The following KCNMA1 variants were observed in gnomAD, a reference collection of about 807,000 sequenced individuals.
The protein encoded by KCNMA1 is Calcium-activated potassium channel subunit alpha-1.
In KCNMA1, 29 loss-of-function variants were observed where a neutral mutation model predicts 140.0. The observed-to-expected ratio is 0.21, with a 90% CI of 0.15 to 0.28. KCNMA1 has a LOEUF of 0.28. Ranked by LOEUF, KCNMA1 falls within the 10% of genes least tolerant of loss-of-function variation. The pLI, the probability that KCNMA1 is intolerant of heterozygous loss-of-function variation, is 1.00. For missense variants in KCNMA1, 880 were observed against 1,602.2 expected (o/e 0.55, Z 7.70); for synonymous variants, 612 against 611.9 (o/e 1.00, Z 0.00).
intron 15 of KCNMA1, among the ~76,000 whole-genome samples, chr10:77,038,490 TGTTTTCAGA>T: frequency 6.6e-6 from 1 of 152,194 alleles, no homozygotes; most frequent in African/African-American, 2.4e-5. Flanking sequence ...AGGGAGTTTG[TGTTTTCAGA>T]GGGCACAAAG....
chr10:77,373,932 A>G (rs1566368862), intron 2 of KCNMA1: 1 of 152,278 alleles, frequency 6.6e-6, no homozygotes. Context: ...CAGGGACACC[A>G]GAAGACAAAG....
intron 23 of KCNMA1, among the ~76,000 whole-genome samples, chr10:76,932,353 T>C (rs1374064737): frequency 2.0e-5 from 3 of 152,210 alleles, no homozygotes; most frequent in Admixed American, 2.0e-4. Flanking sequence ...TGAATTCTCA[T>C]AGTCATTTGA....
At chr10:77,252,343 A>AT (rs2059811662) in intron 2 of KCNMA1, among the ~76,000 whole-genome samples, 12 of 152,220 alleles carry the variant, frequency 7.9e-5, no homozygotes, top group Non-Finnish European at 1.8e-4. Flanking sequence ...AAGCACCACC[A>AT]TTACACACAA....
intron 3 of KCNMA1, among the ~76,000 whole-genome samples, chr10:77,221,881 G>A (rs191871092): frequency 1.3e-5 from 2 of 152,274 alleles, no homozygotes; most frequent in East Asian, 3.9e-4. Flanking sequence ...TGCAGAGTGA[G>A]ACAGCCCAGG....
intron 4 of KCNMA1, among the ~76,000 whole-genome samples, chr10:77,183,869 A>G (rs2098823093): frequency 6.6e-6 from 1 of 152,160 alleles, no homozygotes; most frequent in African/African-American, 2.4e-5. Context: ...TTATGATTGG[A>G]CACACACGTT....
intron 1 of KCNMA1, among the ~76,000 whole-genome samples, chr10:77,632,697 T>C (rs2093342862): frequency 6.6e-6 from 1 of 152,234 alleles, no homozygotes; most frequent in African/African-American, 2.4e-5. Context: ...TCAAAAACTT[T>C]ATTTGTTATA....
At chr10:77,159,047 T>C (rs1024596679) in intron 5 of KCNMA1, among the ~76,000 whole-genome samples, 1 of 152,228 alleles carries the variant, frequency 6.6e-6, no homozygotes, top group African/African-American at 2.4e-5. Flanking sequence ...TTTTTCCCCA[T>C]TCTTTTTTGA....
At chr10:77,258,116 A>G (rs536068770) in intron 2 of KCNMA1, among the ~76,000 whole-genome samples, 1 of 152,322 alleles carries the variant, frequency 6.6e-6, no homozygotes, top group Non-Finnish European at 1.5e-5. Context: ...TCTGTGAAAT[A>G]ATGAGATTGA....
At chr10:77,175,123 G>A (rs1399655987) in intron 5 of KCNMA1, among the ~76,000 whole-genome samples, 1 of 152,142 alleles carries the variant, frequency 6.6e-6, no homozygotes, top group East Asian at 1.9e-4. Flanking sequence ...GGTCTCGGTT[G>A]AGCTCTAAGA....
rs76720322 is a variant in KCNMA1, at chr10:77,489,037, C to G, written c.379-85014G>C. On this transcript the variant is annotated intron_variant, in intron 1 of 27. Coordinates refer to ENST00000286628, the MANE Select transcript of KCNMA1 (RefSeq NM_001161352.2). The stretch of plus-strand genomic sequence containing the variant: ...ACCTGCCCCTTCCCATCTTCCCCCT[C>G]TAGGCAGAGGGGGTCATAAGGGTTG... 8.9e-3 allele frequency among the ~76,000 whole-genome samples: 1,361 copies of G among 152,210 alleles called. 13 individuals are homozygous for G. The highest frequency in any genetic ancestry group is 0.049 in the East Asian group (254 of 5,150).
chr10:77,399,727 C>T (rs1330233282), intron 2 of KCNMA1, among the ~76,000 whole-genome samples: 2 of 152,212 alleles, frequency 1.3e-5, no homozygotes, highest in African/African-American at 4.8e-5. Flanking sequence ...TTAAATTGAG[C>T]TCTGCATCCT....
At chr10:76,890,632 T>C (rs2039579495) in intron 26 of KCNMA1, among the ~76,000 whole-genome samples, 1 of 152,200 alleles carries the variant, frequency 6.6e-6, no homozygotes, top group Admixed American at 6.5e-5. Context: ...TGGCTCCTTT[T>C]CCACTATTTA....
At chr10:76,874,809 T>TA (rs2032060995), downstream of KCNMA1, 2 of 152,216 alleles carry the variant, frequency 1.3e-5, no homozygotes, top group African/African-American at 4.8e-5. Context: ...TTCTAAAATA[T>TA]AAAATTGCTT....
At position 76,885,249 on chromosome 10, in the gene KCNMA1, A is replaced by AG; in HGVS notation, c.*2016_*2017insC. The AG allele has an allele frequency of 4.0e-6, 2 of 502,506 alleles. No individual in the cohort carries two copies. Among genetic ancestry groups the AG allele is most frequent in the South Asian group, 8.7e-5 (1 of 11,468 alleles). The allele number at this position is 502,506 out of a possible 1,614,324, so 31.1% of individuals were successfully genotyped here. A position where few individuals can be genotyped will look rare whatever the true frequency, so the allele number is the denominator to read the frequency against. ...TATATAATTATATAGTTATATATAT[A>AG]TAATTATATATAGTTTATATAAAGA... On this transcript the variant is annotated 3_prime_UTR_variant, in exon 28 of 28. Transcript: ENST00000286628.
At chr10:77,342,629 C>CT (rs1273325411) in intron 2 of KCNMA1, among the ~76,000 whole-genome samples, 1 of 152,220 alleles carries the variant, frequency 6.6e-6, no homozygotes, top group Non-Finnish European at 1.5e-5. Flanking sequence ...ACGAATGCTT[C>CT]TCCTTGGTCT....
At chr10:77,152,278 T>TTGTGTGTGTGTGTGTGTGTGTG (rs72088425) in intron 5 of KCNMA1, among the ~76,000 whole-genome samples, 1,909 of 99,056 alleles carry the variant, frequency 0.019, 36 homozygotes, top group African/African-American at 0.06. Context: ...TTTTTTGCTT[T>TTGTGTGTGTGTGTGTGTGTGTG]TGTGTGTGTG....
At chr10:77,590,335 G>A (rs1259799437) in intron 1 of KCNMA1, among the ~76,000 whole-genome samples, 3 of 152,332 alleles carry the variant, frequency 2.0e-5, no homozygotes, top group East Asian at 3.9e-4. Context: ...AGCAGGGGGC[G>A]GCGCTCCTCG....
intron 2 of KCNMA1, among the ~76,000 whole-genome samples, chr10:77,315,880 C>T (rs1602244530): frequency 6.6e-6 from 1 of 152,170 alleles, no homozygotes; most frequent in Non-Finnish European, 1.5e-5. Flanking sequence ...CCCATCACCA[C>T]ATAATCATTC....
chr10:76,896,069 G>A lies in KCNMA1; in HGVS notation c.3148-4350C>T, dbSNP rs564702113. On this transcript the variant is annotated intron_variant, in intron 25 of 27. Transcript: ENST00000286628. Reference sequence around the variant, plus strand: ...TAACAGGGTTCAAGAGCAGAGAACCGGTCTGACTAGAATTTGCCGGGCTGG... The same window carrying A: ...TAACAGGGTTCAAGAGCAGAGAACCAGTCTGACTAGAATTTGCCGGGCTGG... Among the ~76,000 whole-genome samples, 17 of 152,272 alleles carry A rather than the reference G, an allele frequency of 1.1e-4. 1 individual carries two copies. In the South Asian group the frequency reaches 2.9e-3, roughly 26 times the overall value.
Sources: allele counts gnomAD v4.1 joint callset (sites outside exome capture counted in the v4.1 genomes callset), GRCh38; gene constraint gnomAD v4.1.1; transcripts MANE v1.5; gene names NCBI Gene and HGNC (gene_info 2026-07-23, HGNC 2026-07-21).